Variants in PTPRD observed in about 807,000 individuals in gnomAD.
PTPRD encodes the protein receptor-type tyrosine-protein phosphatase delta.
PTPRD carries 34 observed loss-of-function variants against 214.5 expected under a neutral mutation model. That is an observed-to-expected ratio of 0.16 (90% CI 0.12 to 0.21). The LOEUF (loss-of-function observed/expected upper bound fraction) is 0.21, where lower values mean the gene tolerates loss of function less well. PTPRD is among the 10% of genes least tolerant of loss of function. The pLI, the probability that PTPRD is intolerant of heterozygous loss-of-function variation, is 1.00. For synonymous variants in PTPRD, 1,128 were observed against 845.7 expected (o/e 1.33, Z -5.79); for missense variants, 2,545 against 2,398.7 (o/e 1.06, Z -1.27).
At chr9:9,452,567 G>C (rs2092395746) in intron 8 of PTPRD, among the ~76,000 whole-genome samples, 1 of 151,092 alleles carries the variant, frequency 6.6e-6, no homozygotes, top group East Asian at 1.9e-4. Context: ...TAACTTATGA[G>C]AAAGAGAGAA....
intron 9 of PTPRD, among the ~76,000 whole-genome samples, chr9:9,246,609 T>C (rs1320518640): frequency 6.6e-6 from 1 of 152,098 alleles, no homozygotes; most frequent in African/African-American, 2.4e-5. Flanking sequence ...TTTGCTTTTC[T>C]TTCATTTTCA....
chr9:8,393,159 G>T (rs2090144652), intron 36 of PTPRD, among the ~76,000 whole-genome samples: 1 of 152,028 alleles, frequency 6.6e-6, no homozygotes, highest in African/African-American at 2.4e-5. Context: ...TCTAAGTAGT[G>T]CATATTTATT....
intron 33 of PTPRD, among the ~76,000 whole-genome samples, chr9:8,452,875 C>T (rs12375663): frequency 0.26 from 40,146 of 152,066 alleles, 5,460 homozygotes; most frequent in East Asian, 0.5. Context: ...AAGATCAATT[C>T]ATGGTCTTGA....
chr9:8,484,711 G>C (rs962381915), intron 29 of PTPRD, among the ~76,000 whole-genome samples: 2 of 145,008 alleles, frequency 1.4e-5, no homozygotes, highest in African/African-American at 5.3e-5. Context: ...ACGTTTCAAC[G>C]TATTATGAAT....
In PTPRD at chr9:10,168,277, A is replaced by G. The variant is rs892726580; in HGVS notation, c.-544-134487T>C. Among the ~76,000 whole-genome samples the G allele has an allele frequency of 2.6e-5, 4 of 152,158 alleles. No individual in the cohort carries two copies. The East Asian group carries it at 7.7e-4, about 29-fold the overall frequency. Reference sequence around the variant, plus strand: ...TTCATCCACATTGAGATATTTACTAAGTCATGAAGTTTATATAGATCATGA... The same window carrying G: ...TTCATCCACATTGAGATATTTACTAGGTCATGAAGTTTATATAGATCATGA... On this transcript the variant is annotated intron_variant, in intron 3 of 45. Coordinates refer to ENST00000381196, the MANE Select transcript of PTPRD (RefSeq NM_002839.4).
chr9:8,933,340 G>GTTTTGTTTTTTTTTTTTTTTT (rs2098966631), intron 11 of PTPRD, among the ~76,000 whole-genome samples: 2 of 80,438 alleles, frequency 2.5e-5, no homozygotes, highest in African/African-American at 1.0e-4. Flanking sequence ...CAACCTTGAG[G>GTTTTGTTTTTTTTTTTTTTTT]TTTTTTTTTT....
chr9:10,166,151 A>G (rs1016748146), intron 3 of PTPRD, among the ~76,000 whole-genome samples: 3 of 150,322 alleles, frequency 2.0e-5, no homozygotes, highest in Non-Finnish European at 3.0e-5. Flanking sequence ...TAAAATACGT[A>G]TCCATAATAT....
chr9:9,679,927 A>G (rs1423562910), intron 7 of PTPRD, among the ~76,000 whole-genome samples: 1 of 151,928 alleles, frequency 6.6e-6, no homozygotes, highest in Non-Finnish European at 1.5e-5. Flanking sequence ...AAATAGCAAA[A>G]TTAAAATAAG....
intron 2 of PTPRD, among the ~76,000 whole-genome samples, chr9:10,505,946 G>A (rs1014749301): frequency 3.9e-5 from 6 of 152,080 alleles, no homozygotes; most frequent in Admixed American, 2.0e-4. Context: ...AGATGAGGGA[G>A]TCAATTCAGT....
rs1263133612 is a variant in PTPRD, at chr9:8,317,710, C to T, written c.*164G>A. ...ATTATTAAACTGTGAATTCTTGGTC[C>T]ACCTGGAATAATTTGTTTTTAATTT... On this transcript the variant is annotated 3_prime_UTR_variant, in exon 46 of 46. Coordinates refer to ENST00000381196, the MANE Select transcript of PTPRD (RefSeq NM_002839.4). The T allele has an allele frequency of 9.4e-6, 5 of 531,808 alleles. No individual in the cohort carries two copies. The highest frequency in any genetic ancestry group is 3.7e-5 in the African/African-American group (2 of 53,370). 32.9% of individuals were successfully genotyped at this position (531,808 alleles called of 1,614,324 possible).
At chr9:9,433,701 ATCT>A (rs1569568288) in intron 8 of PTPRD, among the ~76,000 whole-genome samples, 1 of 152,214 alleles carries the variant, frequency 6.6e-6, no homozygotes, top group African/African-American at 2.4e-5. Flanking sequence ...CTGAAAAATC[ATCT>A]TCTTGATTAT....
chr9:8,983,381 T>C (rs2099323652), intron 11 of PTPRD, among the ~76,000 whole-genome samples: 2 of 152,108 alleles, frequency 1.3e-5, no homozygotes, highest in Admixed American at 6.6e-5. Context: ...TTTATAATTT[T>C]CCACCCTTAC....
rs543942225 is a variant in PTPRD at position 9,706,665 on chromosome 9, C to T, written c.-287+27868G>A. Among the ~76,000 whole-genome samples, 11 of 152,134 alleles carry T rather than the reference C, an allele frequency of 7.2e-5. No homozygotes were observed. The South Asian group carries it at 2.1e-3, about 29-fold the overall frequency. On this transcript the variant is annotated intron_variant, in intron 7 of 45. Transcript: ENST00000381196. ...ATGTTGGCCAACCTGGTCTCGAATTCTTGACCTCAGGTGATCCGTCTGCCT... is the reference window on the plus strand; with the variant it reads ...ATGTTGGCCAACCTGGTCTCGAATTTTTGACCTCAGGTGATCCGTCTGCCT...
At chr9:10,346,358 A>G (rs7045637) in intron 2 of PTPRD, among the ~76,000 whole-genome samples, 43,599 of 152,024 alleles carry the variant, frequency 0.29, 6,442 homozygotes, top group Admixed American at 0.37. Context: ...ATGCCTTAAT[A>G]AATGAATCAA....
chr9:10,421,718 T>G (rs554030659), intron 2 of PTPRD, among the ~76,000 whole-genome samples: 1 of 152,048 alleles, frequency 6.6e-6, no homozygotes, highest in South Asian at 2.1e-4. Flanking sequence ...TCAGTAACCG[T>G]CTCTTTCATA....
At chr9:8,878,831 C>A (rs2098417822) in intron 11 of PTPRD, among the ~76,000 whole-genome samples, 1 of 152,178 alleles carries the variant, frequency 6.6e-6, no homozygotes. Context: ...TCACACCCAG[C>A]CTCTGCTGAT....
At chr9:9,601,529 A>G (rs534489881) in intron 7 of PTPRD, among the ~76,000 whole-genome samples, 8 of 152,220 alleles carry the variant, frequency 5.3e-5, no homozygotes, top group African/African-American at 1.9e-4. Flanking sequence ...ACCATGAACA[A>G]TCTATTATTT....
At chr9:8,663,883 C>T (rs1458061989) in intron 12 of PTPRD, among the ~76,000 whole-genome samples, 1 of 145,082 alleles carries the variant, frequency 6.9e-6, no homozygotes, top group Non-Finnish European at 1.5e-5. Flanking sequence ...CCAATTAAGT[C>T]TTCAAAGTGC....
intron 2 of PTPRD, among the ~76,000 whole-genome samples, chr9:10,596,015 C>T (rs925028757): frequency 2.0e-5 from 3 of 151,784 alleles, no homozygotes; most frequent in Non-Finnish European, 4.4e-5. Flanking sequence ...CCTTTCAAAT[C>T]GTTTTTCTTC....
Sources: allele counts gnomAD v4.1 joint callset (sites outside exome capture counted in the v4.1 genomes callset), GRCh38; gene constraint gnomAD v4.1.1; transcripts MANE v1.5; gene names NCBI Gene and HGNC (gene_info 2026-07-23, HGNC 2026-07-21).